The following DCAF10 variants were observed in gnomAD, a reference collection of about 807,000 sequenced individuals.
The protein encoded by DCAF10 is DDB1 and CUL4 associated factor 10, also known as DDB1- and CUL4-associated factor 10.
In DCAF10, 19 loss-of-function variants were observed where a neutral mutation model predicts 51.9. The ratio of observed to expected loss-of-function variants is 0.37; its 90% CI spans 0.26 to 0.54. DCAF10 has a LOEUF of 0.54. DCAF10 is among the 20% of genes least tolerant of loss of function. DCAF10 has a pLI of 0.87. For synonymous variants in DCAF10, 291 were observed against 297.1 expected, an observed-to-expected ratio of 0.98 and a Z score of 0.21; for missense variants, 510 against 730.6, an observed-to-expected ratio of 0.70 and a Z score of 3.48.
upstream of DCAF10, chr9:37,800,765 G>A (rs2118997794): frequency 6.5e-7 from 1 of 1,530,442 alleles, no homozygotes; most frequent in African/African-American, 1.4e-5. Context: ...TTTCCAGCCG[G>A]TGGGGTTAGG....
Position 37,864,809 on chromosome 9 carries a change from G to A in DCAF10, c.*3301G>A, listed in dbSNP as rs1332415222. On this transcript the variant is annotated 3_prime_UTR_variant, in exon 7 of 7. Coordinates refer to ENST00000377724, the MANE Select transcript of DCAF10 (RefSeq NM_024345.5). ...TTCTTTACTATAGAGTACCTATCAT[G>A]TGTCAAATAATATACAGACTTCACT... 1 of 152,044 alleles carries A rather than the reference G, an allele frequency of 6.6e-6. No homozygotes were observed. The highest frequency in any genetic ancestry group is 2.4e-5 in the African/African-American group (1 of 41,378). 9.4% of individuals were successfully genotyped at this position (152,044 alleles called of 1,614,324 possible).
In DCAF10 at chr9:37,807,555, C is replaced by A. The variant is rs190122627; in HGVS notation, c.539+6150C>A. Among the ~76,000 whole-genome samples the A allele has an allele frequency of 3.3e-5, 5 of 151,658 alleles. 1 individual carries two copies. The highest frequency in any genetic ancestry group is 2.6e-4 in the Admixed American group (4 of 15,228). ...ACAATTTGAGCTACAATGGTTATCA[C>A]CTGGTGAGCATTTTTATAATCTATA... On this transcript the variant is annotated intron_variant, in intron 1 of 6. Coordinates refer to ENST00000377724, the MANE Select transcript of DCAF10 (RefSeq NM_024345.5).
chr9:37,819,398 T>C lies in DCAF10; in HGVS notation c.650T>C (p.Ile217Thr). The C allele has an allele frequency of 6.2e-7, 1 of 1,609,828 alleles. No individual in the cohort carries two copies. Among genetic ancestry groups the C allele is most frequent in the Non-Finnish European group, 8.5e-7 (1 of 1,176,638 alleles). ...SEAHEDCVNN[I>T]RFLDNRLFAT... ...GCTCATGAAGACTGTGTAAATAATA[T>C]CAGGTTAGTATTATAGTGAAAAAGT... Residue 217 changes from isoleucine (I) to threonine (T), a missense_variant, in exon 2 of 7, where the codon ATC becomes ACC. Ile to Thr is a moderately conservative substitution (Grantham distance 89). This residue lies in a region of DCAF10 where 126 missense variants were observed against 271.5 expected (regional missense o/e 0.46). Transcript: ENST00000377724.
chr9:37,813,166 T>C (rs916055039), intron 1 of DCAF10, among the ~76,000 whole-genome samples: 8 of 152,076 alleles, frequency 5.3e-5, no homozygotes, highest in Admixed American at 5.2e-4. Flanking sequence ...ATTGGTGCTG[T>C]CACAGCTCAC....
chr9:37,810,089 T>C (rs1276482140), intron 1 of DCAF10, among the ~76,000 whole-genome samples: 4 of 151,160 alleles, frequency 2.6e-5, no homozygotes, highest in Non-Finnish European at 4.4e-5. Flanking sequence ...GAGGCGGAGG[T>C]TGCAGTGAGC....
At chr9:37,836,372 A>G (rs1830165217) in intron 2 of DCAF10, 1 of 1,610,234 alleles carries the variant, frequency 6.2e-7, no homozygotes, top group African/African-American at 1.3e-5. Flanking sequence ...AAACACTATC[A>G]GAAGAAAAAG....
At chr9:37,849,962 G>A (rs1161762617) in intron 3 of DCAF10, among the ~76,000 whole-genome samples, 1 of 152,130 alleles carries the variant, frequency 6.6e-6, no homozygotes, top group African/African-American at 2.4e-5. Flanking sequence ...AAGAGGGCGA[G>A]ACAGGAGGAC....
chr9:37,833,167 T>C (rs765081962), intron 2 of DCAF10, among the ~76,000 whole-genome samples: 6 of 152,236 alleles, frequency 3.9e-5, no homozygotes, highest in Non-Finnish European at 7.3e-5. Flanking sequence ...TTTTTGATTA[T>C]ACTACAAATT....
intron 2 of DCAF10, among the ~76,000 whole-genome samples, chr9:37,830,855 C>T (rs1233179167): frequency 6.6e-6 from 1 of 152,214 alleles, no homozygotes; most frequent in Non-Finnish European, 1.5e-5. Flanking sequence ...CTCATGCCTA[C>T]AAATTTGAAT....
At chr9:37,811,996 G>A (rs917702520) in intron 1 of DCAF10, among the ~76,000 whole-genome samples, 5 of 151,984 alleles carry the variant, frequency 3.3e-5, no homozygotes, top group African/African-American at 9.7e-5. Context: ...AGACCAGCCC[G>A]GCCAACATGG....
Position 37,800,932 on chromosome 9 carries a change from G to A in DCAF10, c.66G>A (p.Pro22=), listed in dbSNP as rs191630054. Residue 22 remains proline, a synonymous_variant, in exon 1 of 7, where the codon CCG becomes CCA. Transcript: ENST00000377724. ...CGGCCGGAGCCGGGGCTGAGGAGCC[G>A]ACGCCCCACGAGGGGCAGGCAGCAG... ...DGSAGAGAEE[P]TPHEGQAAAT... The A allele has an allele frequency of 1.0e-5, 15 of 1,494,854 alleles. No homozygotes were observed. The East Asian group carries it at 1.0e-4, about 10-fold the overall frequency. 92.6% of individuals were successfully genotyped at this position (1,494,854 alleles called of 1,614,324 possible).
chr9:37,838,813 T>C (rs951421075), intron 2 of DCAF10, among the ~76,000 whole-genome samples: 4 of 150,668 alleles, frequency 2.7e-5, no homozygotes, highest in African/African-American at 9.8e-5. Flanking sequence ...ATCACTTGAA[T>C]GTAGGAGGTA....
At position 37,857,230 on chromosome 9, in the gene DCAF10, A is replaced by T; in HGVS notation, c.1055-11A>T. On this transcript the variant is annotated splice_polypyrimidine_tract_variant and intron_variant, in intron 4 of 6. Transcript: ENST00000377724. ...GCTAGGTTTATTGTCAGAATTTTTT[A>T]TATTTTTAAGATTTGACCACTTCAT... The T allele has an allele frequency of 6.4e-7, 1 of 1,569,410 alleles. No individual in the cohort carries two copies. The highest frequency in any genetic ancestry group is 1.4e-5 in the African/African-American group (1 of 72,290).
In DCAF10 at chr9:37,861,179, C is replaced by A. The variant is rs948125986; in HGVS notation, c.1351C>A (p.Arg451=). ...TGAATTCCAAGAAGGAGCTCCAGTGCGACCTGTCTCACCTCGCTGTTCTCT... is the reference window on the plus strand; with the variant it reads ...TGAATTCCAAGAAGGAGCTCCAGTGAGACCTGTCTCACCTCGCTGTTCTCT... The part of the protein sequence containing the change: ...VYEFQEGAPV[R]PVSPRCSLRL... The change falls in exon 7 of 7, where the codon CGA becomes AGA. Residue 451 remains arginine, a synonymous_variant. Coordinates refer to ENST00000377724, the MANE Select transcript of DCAF10 (RefSeq NM_024345.5). The surrounding 1 kb of genome is among the most constrained non-coding windows in gnomAD (Gnocchi z 4.9). The A allele has an allele frequency of 1.2e-6, 2 of 1,606,214 alleles. No homozygotes were observed. Among genetic ancestry groups the A allele is most frequent in the Non-Finnish European group, 1.7e-6 (2 of 1,173,214 alleles).
chr9:37,841,911 C>T (rs528498220), intron 2 of DCAF10, among the ~76,000 whole-genome samples, 178 bp from the exon 3 acceptor site: 7 of 152,222 alleles, frequency 4.6e-5, no homozygotes, highest in Admixed American at 4.6e-4. Flanking sequence ...AGTATCCTGG[C>T]TCTGTGATTA....
At chr9:37,839,792 T>C (rs1830278630) in intron 2 of DCAF10, among the ~76,000 whole-genome samples, 1 of 152,230 alleles carries the variant, frequency 6.6e-6, no homozygotes, top group Non-Finnish European at 1.5e-5. Context: ...TCTTTGCTTA[T>C]TCCACACAAT....
intron 2 of DCAF10, among the ~76,000 whole-genome samples, chr9:37,833,959 T>C (rs571596075): frequency 2.0e-5 from 3 of 152,148 alleles, no homozygotes; most frequent in Non-Finnish European, 2.9e-5. Context: ...AATACCAAAG[T>C]TTTTTTTGTT....
At position 37,862,714 on chromosome 9, in the gene DCAF10, C is replaced by T. The variant is rs896168119; in HGVS notation, c.*1206C>T. 6.6e-6 allele frequency: 1 copy of T among 152,224 alleles called. No individual in the cohort carries two copies. The highest frequency in any genetic ancestry group is 1.5e-5 in the Non-Finnish European group (1 of 68,042). 9.4% of individuals were successfully genotyped at this position (152,224 alleles called of 1,614,324 possible). On this transcript the variant is annotated 3_prime_UTR_variant, in exon 7 of 7. Transcript: ENST00000377724. The stretch of plus-strand genomic sequence containing the variant: ...AGGCTGACTGTTCTACTTTGAATAA[C>T]AGCTTCCTTGCAGTCTCCTCCACAT...
chr9:37,832,598 AAAT>A (rs1440487803), intron 2 of DCAF10, among the ~76,000 whole-genome samples: 1 of 152,254 alleles, frequency 6.6e-6, no homozygotes, highest in African/African-American at 2.4e-5. Context: ...TGGGAACACG[AAAT>A]TTCTTATCTT....
Sources: gnomAD v4.1 joint callset for allele counts (sites outside exome capture counted in the v4.1 genomes callset) on GRCh38, gnomAD v4.1.1 for gene constraint, gnomAD v4.1.1 regional missense constraint, Gnocchi (gnomAD v3.1) non-coding constraint, MANE v1.5 for transcripts, NCBI Gene and HGNC (gene_info 2026-07-23, HGNC 2026-07-21) for gene names.